Variants in FNTB observed in about 807,000 individuals in gnomAD.
The protein encoded by FNTB is protein farnesyltransferase subunit beta.
FNTB carries 27 observed loss-of-function variants against 59.4 expected under a neutral mutation model. The ratio of observed to expected loss-of-function variants is 0.45; its 90% CI spans 0.34 to 0.63. FNTB has a LOEUF of 0.63. Among genes scored for constraint, FNTB ranks in the 20% least tolerant of loss-of-function variants. The pLI is 0.02. For missense variants in FNTB, 449 were observed against 559.6 expected, an observed-to-expected ratio of 0.80 and a Z score of 1.99; for synonymous variants, 230 against 220.7, an observed-to-expected ratio of 1.04 and a Z score of -0.37.
intron 9 of FNTB, among the ~76,000 whole-genome samples, chr14:65,051,087 G>A (rs926443743): frequency 6.6e-6 from 1 of 152,236 alleles, no homozygotes; most frequent in Non-Finnish European, 1.5e-5. Context: ...CAGCCAGCCT[G>A]AGATGGGAGA....
intron 1 of FNTB, among the ~76,000 whole-genome samples, chr14:64,989,957 A>T (rs758676979): frequency 5.9e-5 from 9 of 152,070 alleles, no homozygotes; most frequent in Non-Finnish European, 1.3e-4. Flanking sequence ...GGAGGTCTTC[A>T]TATAAGGTGT....
chr14:65,037,048 T>A (rs1433210803), intron 7 of FNTB, among the ~76,000 whole-genome samples: 2 of 152,138 alleles, frequency 1.3e-5, no homozygotes, highest in African/African-American at 4.8e-5. Context: ...GTACCAAGAT[T>A]CTTTATTACA....
chr14:65,042,973 G>T lies in FNTB; in HGVS notation c.823-1338G>T, dbSNP rs550945716. Among the ~76,000 whole-genome samples, 221 of 152,312 alleles carry T rather than the reference G, an allele frequency of 1.5e-3. 1 individual carries two copies. The highest frequency in any genetic ancestry group is 5.0e-3 in the African/African-American group (208 of 41,560). On this transcript the variant is annotated intron_variant, in intron 8 of 11. Transcript: ENST00000246166. ...CATTTGTGACTGTGACTCTCTATGGGCAGGTGTTGCCTTGAAGAGGGAATA... is the reference window on the plus strand; with the variant it reads ...CATTTGTGACTGTGACTCTCTATGGTCAGGTGTTGCCTTGAAGAGGGAATA...
At chr14:65,050,454 G>T (rs1425617371) in intron 9 of FNTB, among the ~76,000 whole-genome samples, 2 of 152,142 alleles carry the variant, frequency 1.3e-5, no homozygotes, top group Middle Eastern at 3.2e-3. Flanking sequence ...AGCCAGGCGT[G>T]GGGGCTTGTA....
At chr14:65,055,188 T>C (rs972389968) in intron 11 of FNTB, among the ~76,000 whole-genome samples, 3 of 141,140 alleles carry the variant, frequency 2.1e-5, no homozygotes, top group Admixed American at 1.4e-4. Flanking sequence ...GGTGGTGTGT[T>C]GTTTAATGTG....
rs1371349409 is a variant in FNTB at position 65,023,793 on chromosome 14, G to A, written c.375-3660G>A. On this transcript the variant is annotated intron_variant, in intron 4 of 11. Coordinates refer to ENST00000246166, the MANE Select transcript of FNTB (RefSeq NM_002028.4). This position sits in a 1 kb window ranked among gnomAD's most constrained non-coding sequence, Gnocchi z 4.1. Reference sequence around the variant, plus strand: ...AGACCAGGAGCATTGCTATCACCTGGGAACTTATTAGAAATGAGGACTCTC... The same window carrying A: ...AGACCAGGAGCATTGCTATCACCTGAGAACTTATTAGAAATGAGGACTCTC... Among the ~76,000 whole-genome samples, 2 of 152,054 alleles carry A rather than the reference G, an allele frequency of 1.3e-5. No individual in the cohort carries two copies. The highest frequency in any genetic ancestry group is 2.9e-5 in the Non-Finnish European group (2 of 68,012).
At position 65,034,725 on chromosome 14, in the gene FNTB, G is replaced by A. The variant is rs2062151952; in HGVS notation, c.692+2029G>A. 2.0e-5 allele frequency among the ~76,000 whole-genome samples: 3 copies of A among 152,150 alleles called. No individual in the cohort carries two copies. The South Asian group carries it at 6.2e-4, about 32-fold the overall frequency. ...AGTGCATTTTTCTTCATTTTGCTGT[G>A]GTAAGTATGGAATTATAATGTCTGC... is the stretch of plus-strand genomic sequence containing the variant. On this transcript the variant is annotated intron_variant, in intron 7 of 11. Transcript: ENST00000246166.
At chr14:65,057,144 C>A (rs1209595799) in intron 11 of FNTB, among the ~76,000 whole-genome samples, 1 of 152,230 alleles carries the variant, frequency 6.6e-6, no homozygotes, top group Non-Finnish European at 1.5e-5. Flanking sequence ...CAAACCCAAA[C>A]ACATTCCACA....
rs1053437570 is a variant in FNTB at position 64,990,365 on chromosome 14, C to T, written c.144+3268C>T. 5.3e-5 allele frequency among the ~76,000 whole-genome samples: 8 copies of T among 152,058 alleles called. No homozygotes were observed. The highest frequency in any genetic ancestry group is 1.0e-4 in the Non-Finnish European group (7 of 68,006). On this transcript the variant is annotated intron_variant, in intron 1 of 11. Coordinates refer to ENST00000246166, the MANE Select transcript of FNTB (RefSeq NM_002028.4). The surrounding 1 kb of genome is among the most constrained non-coding windows in gnomAD (Gnocchi z 5.2). ...CATGGGAAGTATTGCTGGGGGTGAC[C>T]GAGAAGGAGAAGAATGAGACCACTG...
At chr14:65,056,077 ATATG>A (rs2139683420) in intron 11 of FNTB, among the ~76,000 whole-genome samples, 1 of 152,264 alleles carries the variant, frequency 6.6e-6, no homozygotes, top group East Asian at 1.9e-4. Flanking sequence ...TGCTACATAC[ATATG>A]TATCTATAAG....
intron 7 of FNTB, among the ~76,000 whole-genome samples, chr14:65,036,699 ATTC>A (rs71444681): frequency 0.11 from 16,878 of 148,970 alleles, 1,273 homozygotes; most frequent in Non-Finnish European, 0.17. Context: ...TGGAATCTTT[ATTC>A]TTTTTGTGTG....
In FNTB at chr14:65,031,872, GATC is replaced by G. The variant is rs1209351423; in HGVS notation, c.606-735_606-733del. On this transcript the variant is annotated intron_variant, in intron 6 of 11. Coordinates refer to ENST00000246166, the MANE Select transcript of FNTB (RefSeq NM_002028.4). The surrounding 1 kb of genome is among the most constrained non-coding windows in gnomAD (Gnocchi z 4.6). ...GGAGGCGGAGGTTGCAGTGAGCTGA[GATC>G]ATACCACTGCACTCTAGCCTGGGCG... Among the ~76,000 whole-genome samples, 1 of 152,112 alleles carries G rather than the reference GATC, an allele frequency of 6.6e-6. No homozygotes were observed. Among genetic ancestry groups the G allele is most frequent in the Non-Finnish European group, 1.5e-5 (1 of 68,044 alleles).
intron 11 of FNTB, among the ~76,000 whole-genome samples, chr14:65,055,326 C>A (rs1325063401): frequency 3.9e-5 from 6 of 152,180 alleles, no homozygotes; most frequent in Non-Finnish European, 8.8e-5. Context: ...CCAATGGAGA[C>A]TGTCCCCAGT....
At chr14:65,004,654 TTTTC>T (rs1359598762) in intron 2 of FNTB, among the ~76,000 whole-genome samples, 1 of 152,056 alleles carries the variant, frequency 6.6e-6, no homozygotes, top group Non-Finnish European at 1.5e-5. Flanking sequence ...AGGTTTTTCT[TTTTC>T]TTTCTTTTTC....
rs2061705907 is a variant in FNTB, at chr14:65,012,884, A to G, written c.282+495A>G. ...GAGACAAAAAACCCTTTCTTGTAAT[A>G]AGATCTAATTTCTATACTGACTAGA... is the stretch of plus-strand genomic sequence containing the variant. On this transcript the variant is annotated intron_variant, in intron 3 of 11. Coordinates refer to ENST00000246166, the MANE Select transcript of FNTB (RefSeq NM_002028.4). The surrounding 1 kb of genome is among the most constrained non-coding windows in gnomAD (Gnocchi z 5.0). 6.6e-6 allele frequency among the ~76,000 whole-genome samples: 1 copy of G among 152,232 alleles called. No individual in the cohort carries two copies. The highest frequency in any genetic ancestry group is 6.5e-5 in the Admixed American group (1 of 15,284).
At position 65,032,550 on chromosome 14, in the gene FNTB, C is replaced by T; in HGVS notation, c.606-60C>T. 6.3e-7 allele frequency: 1 copy of T among 1,593,332 alleles called. No individual in the cohort carries two copies. On this transcript the variant is annotated intron_variant, in intron 6 of 11. Transcript: ENST00000246166. This position sits in a 1 kb window ranked among gnomAD's most constrained non-coding sequence, Gnocchi z 5.0. The stretch of plus-strand genomic sequence containing the variant: ...AGGCGAGCAGTCCGCCCGCGGAGTT[C>T]ACTGAGCCTCATTAGCTCTTCCGTA...
At position 65,054,587 on chromosome 14, in the gene FNTB, C is replaced by T; in HGVS notation, c.1080C>T (p.Phe360=). Residue 360 remains phenylalanine, a synonymous_variant, in exon 11 of 12, where the codon TTC becomes TTT. Coordinates refer to ENST00000246166, the MANE Select transcript of FNTB (RefSeq NM_002028.4). This position sits in a 1 kb window ranked among gnomAD's most constrained non-coding sequence, Gnocchi z 4.4. ...LLDKPGKSRD[F]YHTCYCLSGL... ...CCTGTCCTTACAGGTCGCGTGATTT[C>T]TACCACACCTGCTACTGCCTGAGCG... The T allele has an allele frequency of 6.2e-7, 1 of 1,613,352 alleles. No individual in the cohort carries two copies. Among genetic ancestry groups the T allele is most frequent in the Non-Finnish European group, 8.5e-7 (1 of 1,179,736 alleles).
At position 64,991,898 on chromosome 14, in the gene FNTB, C is replaced by T. The variant is rs889340071; in HGVS notation, c.144+4801C>T. Among the ~76,000 whole-genome samples the T allele has an allele frequency of 2.0e-5, 3 of 151,984 alleles. No homozygotes were observed. Among genetic ancestry groups the T allele is most frequent in the Admixed American group, 2.0e-4 (3 of 15,250 alleles). On this transcript the variant is annotated intron_variant, in intron 1 of 11. Coordinates refer to ENST00000246166, the MANE Select transcript of FNTB (RefSeq NM_002028.4). This position sits in a 1 kb window ranked among gnomAD's most constrained non-coding sequence, Gnocchi z 4.4. ...GTGGTAGGAAATGAGGTGAGCTGGG[C>T]GGGTGGGCCCCTATCAGGGTATTAA...
At position 65,032,560 on chromosome 14, in the gene FNTB, C is replaced by T. The variant is rs1595061158; in HGVS notation, c.606-50C>T. On this transcript the variant is annotated intron_variant, in intron 6 of 11. Transcript: ENST00000246166. The surrounding 1 kb of genome is among the most constrained non-coding windows in gnomAD (Gnocchi z 5.0). The stretch of plus-strand genomic sequence containing the variant: ...TCCGCCCGCGGAGTTCACTGAGCCT[C>T]ATTAGCTCTTCCGTAGAGCTTAATG... 1 of 1,599,754 alleles carries T rather than the reference C, an allele frequency of 6.3e-7. No homozygotes were observed. The highest frequency in any genetic ancestry group is 8.5e-7 in the Non-Finnish European group (1 of 1,173,092).
Sources: gnomAD v4.1 joint callset for allele counts (sites outside exome capture counted in the v4.1 genomes callset) on GRCh38, gnomAD v4.1.1 for gene constraint, Gnocchi (gnomAD v3.1) non-coding constraint, MANE v1.5 for transcripts, NCBI Gene and HGNC (gene_info 2026-07-23, HGNC 2026-07-21) for gene names.